Variants in ASTN1 observed in about 807,000 individuals in gnomAD.
ASTN1 encodes the protein astrotactin 1.
A neutral mutation model predicts 140.7 loss-of-function variants in ASTN1; 41 were observed. The observed-to-expected ratio is 0.29, with a 90% confidence interval of 0.23 to 0.38. The LOEUF is 0.38. ASTN1 is among the 10% of genes least tolerant of loss of function. The probability of loss-of-function intolerance (pLI) is 1.00; values close to 1 mark genes in which losing one functional copy is unlikely to be tolerated. For synonymous variants in ASTN1, 640 were observed against 652.2 expected (o/e 0.98, Z 0.29); for missense variants, 1,479 against 1,678.8 (o/e 0.88, Z 2.08).
intron 1 of ASTN1, among the ~76,000 whole-genome samples, chr1:177,113,883 C>G (rs987901763): frequency 2.0e-5 from 3 of 152,172 alleles, no homozygotes; most frequent in Non-Finnish European, 4.4e-5. Context: ...TTTTAAAAGA[C>G]ATATGTCTCT....
intron 16 of ASTN1, among the ~76,000 whole-genome samples, chr1:176,902,702 G>A (rs1669820556): frequency 6.6e-6 from 1 of 152,208 alleles, no homozygotes; most frequent in Non-Finnish European, 1.5e-5. Flanking sequence ...GAAATGATGG[G>A]ATAGTAGAAT....
intron 7 of ASTN1, among the ~76,000 whole-genome samples, chr1:177,019,044 C>T (rs1256903936): frequency 6.6e-6 from 1 of 152,196 alleles, no homozygotes; most frequent in East Asian, 1.9e-4. Flanking sequence ...AGAAGTGAAA[C>T]AATTCTAAGC....
intron 8 of ASTN1, among the ~76,000 whole-genome samples, chr1:176,998,921 C>T (rs1017878324): frequency 6.6e-6 from 1 of 152,190 alleles, no homozygotes; most frequent in Admixed American, 6.5e-5. Flanking sequence ...TACCAAACTT[C>T]CTTGTGCCTT....
intron 16 of ASTN1, among the ~76,000 whole-genome samples, chr1:176,932,504 G>A (rs1331430795): frequency 6.6e-6 from 1 of 152,196 alleles, no homozygotes; most frequent in Non-Finnish European, 1.5e-5. Context: ...TAACTTAGAG[G>A]TAAGTTTTAG....
At chr1:176,943,743 C>G in intron 14 of ASTN1, 148 bp downstream of exon 14, 1 of 1,004,340 alleles carries the variant, frequency 1.0e-6, no homozygotes, top group Non-Finnish European at 1.4e-6. Flanking sequence ...ATCCTACTAG[C>G]ATTCAGTTTT....
chr1:176,939,182 C>A (rs932874096), intron 14 of ASTN1, among the ~76,000 whole-genome samples: 5 of 152,078 alleles, frequency 3.3e-5, no homozygotes, highest in African/African-American at 4.8e-5. Context: ...ATGGCCTCCA[C>A]AATGTTATCA....
intron 1 of ASTN1, among the ~76,000 whole-genome samples, chr1:177,117,021 C>A (rs1247045007): frequency 6.6e-6 from 1 of 152,080 alleles, no homozygotes; most frequent in Admixed American, 6.6e-5. Context: ...CTCTACCTGC[C>A]AATTTTCTCT....
chr1:176,956,037 T>A (rs1436514733), intron 11 of ASTN1, among the ~76,000 whole-genome samples: 1 of 152,130 alleles, frequency 6.6e-6, no homozygotes, highest in Non-Finnish European at 1.5e-5. Flanking sequence ...CTCCTGAGGA[T>A]CCCAGCTGGG....
intron 12 of ASTN1, 108 bp downstream of exon 12, chr1:176,949,077 G>A (rs1265691401): frequency 1.4e-6 from 2 of 1,433,886 alleles, no homozygotes; most frequent in African/African-American, 2.8e-5. Flanking sequence ...AGAGACTAAG[G>A]GATGGCCTAG....
chr1:176,923,946 T>A (rs373834022), intron 16 of ASTN1, among the ~76,000 whole-genome samples: 1 of 152,286 alleles, frequency 6.6e-6, no homozygotes, highest in South Asian at 2.1e-4. Flanking sequence ...CCTGCAGAGA[T>A]AATTAGTGGT....
rs558076620 is a variant in ASTN1, at chr1:177,151,274, T to A, written c.283+13120A>T. On this transcript the variant is annotated intron_variant, in intron 1 of 22. Transcript: ENST00000361833. ...AAACAAAACAAAAAAAAATCTATTC[T>A]CTCTTTCTTTCTAGAATTTAAGTTG... Among the ~76,000 whole-genome samples, 6 of 152,218 alleles carry A rather than the reference T, an allele frequency of 3.9e-5. No individual in the cohort carries two copies. In the East Asian group the frequency reaches 7.7e-4, roughly 20 times the overall value.
chr1:177,139,653 T>C (rs1682371813), intron 1 of ASTN1, among the ~76,000 whole-genome samples: 1 of 152,160 alleles, frequency 6.6e-6, no homozygotes, highest in African/African-American at 2.4e-5. Context: ...ATAGTAAGTA[T>C]TATTCTAATT....
At chr1:176,937,976 T>C (rs975675223) in intron 14 of ASTN1, among the ~76,000 whole-genome samples, 1 of 152,142 alleles carries the variant, frequency 6.6e-6, no homozygotes, top group East Asian at 1.9e-4. Flanking sequence ...TCTGTGTGAA[T>C]CATATGGGAA....
Position 176,861,564 on chromosome 1 carries a change from A to G in ASTN1, c.*2720T>C. On this transcript the variant is annotated 3_prime_UTR_variant, in exon 23 of 23. Transcript: ENST00000361833. ...ATCAATAGTGTCTTCCAAGGGGAAA[A>G]AATCCTCCAGTCAATTGTACAACCA... is the stretch of plus-strand genomic sequence containing the variant. 1 of 985,754 alleles carries G rather than the reference A, an allele frequency of 1.0e-6. No individual in the cohort carries two copies. The allele number at this position is 985,754 out of a possible 1,614,324, so 61.1% of individuals were successfully genotyped here.
intron 22 of ASTN1, among the ~76,000 whole-genome samples, chr1:176,866,890 TG>T (rs1668142677): frequency 6.6e-6 from 1 of 152,216 alleles, no homozygotes; most frequent in African/African-American, 2.4e-5. Context: ...AACCCCAAAG[TG>T]GGTTGATGTA....
chr1:177,044,744 C>T (rs1050200674), intron 2 of ASTN1, among the ~76,000 whole-genome samples: 2 of 152,250 alleles, frequency 1.3e-5, no homozygotes, highest in Admixed American at 6.5e-5. Flanking sequence ...AGGCCGACAT[C>T]ATCCGCTGGG....
chr1:177,089,147 G>A (rs1184116403), intron 1 of ASTN1, among the ~76,000 whole-genome samples: 1 of 152,112 alleles, frequency 6.6e-6, no homozygotes, highest in Admixed American at 6.5e-5. Flanking sequence ...AAGCAGAGGA[G>A]GTGACCCAGA....
intron 15 of ASTN1, chr1:176,936,025 T>C (rs1671427995): frequency 1.7e-6 from 1 of 575,602 alleles, no homozygotes; most frequent in Non-Finnish European, 3.2e-6. Flanking sequence ...ATGGCTCCAG[T>C]CTTGCCCTTT....
intron 1 of ASTN1, among the ~76,000 whole-genome samples, chr1:177,130,569 G>T (rs1681895019): frequency 6.6e-6 from 1 of 152,108 alleles, no homozygotes; most frequent in South Asian, 2.1e-4. Flanking sequence ...TCACTGGATG[G>T]TGCGCTGTCA....
Sources: allele counts gnomAD v4.1 joint callset (sites outside exome capture counted in the v4.1 genomes callset), GRCh38; gene constraint gnomAD v4.1.1; transcripts MANE v1.5; gene names NCBI Gene and HGNC (gene_info 2026-07-23, HGNC 2026-07-21).